The following CAST variants were observed in gnomAD, a reference collection of about 807,000 sequenced individuals.
CAST encodes calpastatin, also known as MIR583 host.
In CAST, 76 loss-of-function variants were observed where a neutral mutation model predicts 119.6. The ratio of observed to expected loss-of-function variants is 0.64; its 90% confidence interval spans 0.53 to 0.77. The LOEUF is 0.77. Among genes scored for constraint, CAST ranks in the 30% least tolerant of loss-of-function variants. CAST has a pLI of 0.00. For synonymous variants in CAST, 319 were observed against 331.6 expected, an observed-to-expected ratio of 0.96 and a Z score of 0.41; for missense variants, 953 against 946.5, an observed-to-expected ratio of 1.01 and a Z score of -0.09.
the CAST span, among the ~76,000 whole-genome samples, chr5:95,980,165 T>C: frequency 6.6e-6 from 1 of 151,972 alleles, no homozygotes; most frequent in African/African-American, 2.4e-5. Flanking sequence ...AAAATAAAAG[T>C]AGAAGTGTTA....
At chr5:96,328,562 T>A in the CAST span, among the ~76,000 whole-genome samples, 2 of 152,140 alleles carry the variant, frequency 1.3e-5, no homozygotes, top group African/African-American at 4.8e-5. Context: ...AGAAAAAGAT[T>A]GACAAACCAT....
At chr5:96,632,584 A>G (rs1196034614) in intron 1 of CAST, among the ~76,000 whole-genome samples, 1 of 151,822 alleles carries the variant, frequency 6.6e-6, no homozygotes, top group Non-Finnish European at 1.5e-5. Flanking sequence ...TGCTCTTATG[A>G]GTCTTTGATC....
At chr5:95,987,914 T>C in the CAST span, among the ~76,000 whole-genome samples, 1 of 152,222 alleles carries the variant, frequency 6.6e-6, no homozygotes, top group Non-Finnish European at 1.5e-5. Context: ...GGCTACCATA[T>C]TGGACAGCAG....
the CAST span, among the ~76,000 whole-genome samples, chr5:96,211,445 A>G: frequency 6.6e-6 from 1 of 151,946 alleles, no homozygotes; most frequent in South Asian, 2.1e-4. Flanking sequence ...ACACTGATTG[A>G]TTTTCAAATA....
the CAST span, among the ~76,000 whole-genome samples, chr5:96,094,495 T>C: frequency 1.3e-5 from 2 of 152,102 alleles, no homozygotes; most frequent in South Asian, 2.1e-4. Flanking sequence ...TCTCCTGATA[T>C]AGGCTGAAAA....
chr5:96,053,324 T>C, the CAST span, among the ~76,000 whole-genome samples: 1 of 152,210 alleles, frequency 6.6e-6, no homozygotes, highest in African/African-American at 2.4e-5. Flanking sequence ...GAGCCATTGG[T>C]TTAATTCAAT....
chr5:96,553,244 A>G (rs1746171110), intron 1 of CAST, among the ~76,000 whole-genome samples: 1 of 152,246 alleles, frequency 6.6e-6, no homozygotes, highest in African/African-American at 2.4e-5. Context: ...CTGGGATGCA[A>G]GGCTGGTTCA....
At chr5:96,669,939 C>T (rs1749845621) in intron 1 of CAST, among the ~76,000 whole-genome samples, 1 of 152,230 alleles carries the variant, frequency 6.6e-6, no homozygotes, top group African/African-American at 2.4e-5. Flanking sequence ...CAAACTAAAT[C>T]TAAATCCCTG....
intron 1 of CAST, among the ~76,000 whole-genome samples, chr5:96,592,423 G>A (rs1580837879): frequency 6.6e-6 from 1 of 152,226 alleles, no homozygotes; most frequent in Admixed American, 6.5e-5. Context: ...GGAAAACCCA[G>A]CTATAGCAAT....
chr5:96,660,999 T>C (rs990695428), upstream of CAST, among the ~76,000 whole-genome samples: 14 of 151,554 alleles, frequency 9.2e-5, no homozygotes, highest in African/African-American at 2.9e-4. Flanking sequence ...TCCCTCAAAA[T>C]TAAGAATGCT....
the CAST span, among the ~76,000 whole-genome samples, chr5:96,183,407 A>G: frequency 6.6e-6 from 1 of 151,984 alleles, no homozygotes; most frequent in Non-Finnish European, 1.5e-5. Context: ...ATAGTTTGAA[A>G]AGAAATATGT....
chr5:96,678,804 G>A (rs55701829), intron 2 of CAST, among the ~76,000 whole-genome samples: 5 of 151,948 alleles, frequency 3.3e-5, no homozygotes, highest in Admixed American at 6.6e-5. Flanking sequence ...CCGAGATCAC[G>A]CCACTGCACT....
intron 1 of CAST, among the ~76,000 whole-genome samples, chr5:96,644,255 T>C (rs1443411385): frequency 6.6e-6 from 1 of 152,226 alleles, no homozygotes; most frequent in Non-Finnish European, 1.5e-5. Context: ...TTAAGTTTCT[T>C]GTACAGTGAA....
the CAST span, among the ~76,000 whole-genome samples, chr5:96,415,878 G>A: frequency 0.025 from 3,738 of 151,708 alleles, 153 homozygotes; most frequent in African/African-American, 0.086. Context: ...CTATTGACTC[G>A]CTGGCAAATC....
chr5:96,730,687 T>A (rs894223528), intron 8 of CAST, 93 bp from the exon 9 acceptor site: 8 of 891,420 alleles, frequency 9.0e-6, no homozygotes, highest in African/African-American at 1.6e-5. Context: ...GAGGGTGAAC[T>A]GGCAGATGTT....
At chr5:96,290,609 A>G in the CAST span, among the ~76,000 whole-genome samples, 75 of 152,320 alleles carry the variant, frequency 4.9e-4, no homozygotes, top group African/African-American at 1.8e-3. Flanking sequence ...AGTGAAAACA[A>G]ATGCATTCAG....
chr5:96,690,169 C>T (rs1226776909), intron 2 of CAST, among the ~76,000 whole-genome samples: 1 of 152,168 alleles, frequency 6.6e-6, no homozygotes, highest in Non-Finnish European at 1.5e-5. Context: ...AGTGTGCTCA[C>T]CATAGTGGGT....
chr5:96,735,079 C>G (rs1458763473), intron 9 of CAST, among the ~76,000 whole-genome samples: 1 of 152,156 alleles, frequency 6.6e-6, no homozygotes. Context: ...TATCCAGACT[C>G]AGGCTCACAC....
chr5:96,727,729 TATATA>T (rs1245278654), intron 6 of CAST, among the ~76,000 whole-genome samples, 199 bp downstream of exon 6: 18 of 152,144 alleles, frequency 1.2e-4, no homozygotes, highest in African/African-American at 3.6e-4. Flanking sequence ...TTAAAAAGAA[TATATA>T]ATATTTTATA....
Sources: gnomAD v4.1 joint callset for allele counts (sites outside exome capture counted in the v4.1 genomes callset) on GRCh38, gnomAD v4.1.1 for gene constraint, MANE v1.5 for transcripts, NCBI Gene and HGNC (gene_info 2026-07-23, HGNC 2026-07-21) for gene names.